The following GRIK4 variants were observed in gnomAD, a reference collection of about 807,000 sequenced individuals.
GRIK4 encodes the protein glutamate ionotropic receptor kainate type subunit 4.
Under a neutral mutation model 104.9 loss-of-function variants are expected in GRIK4, and 40 were observed. The ratio of observed to expected loss-of-function variants is 0.38; its 90% CI spans 0.30 to 0.50. GRIK4 has a LOEUF of 0.50. GRIK4 is among the 20% of genes least tolerant of loss of function. GRIK4 has a pLI of 0.93. For missense variants in GRIK4, 1,047 were observed against 1,308.1 expected, an observed-to-expected ratio of 0.80 and a Z score of 3.08; for synonymous variants, 485 against 524.9, an observed-to-expected ratio of 0.92 and a Z score of 1.04.
intron 9 of GRIK4, chr11:120,869,445 A>G (rs1954532545): frequency 6.6e-6 from 1 of 152,332 alleles, no homozygotes; most frequent in South Asian, 2.1e-4. Context: ...CCCTGTGCCC[A>G]GCATCCCTAG....
intron 1 of GRIK4, among the ~76,000 whole-genome samples, chr11:120,624,539 C>G (rs536150889): frequency 3.3e-5 from 5 of 152,142 alleles, no homozygotes; most frequent in African/African-American, 1.2e-4. Context: ...CCTTGCTGGC[C>G]ACCCCTTGTT....
chr11:120,676,672 C>T (rs1008246787), intron 3 of GRIK4, among the ~76,000 whole-genome samples: 8 of 152,188 alleles, frequency 5.3e-5, no homozygotes, highest in African/African-American at 1.9e-4. Context: ...AGAACAGCAC[C>T]AAGCCATTCA....
At chr11:120,521,758 T>C (rs1292432629) in intron 1 of GRIK4, among the ~76,000 whole-genome samples, 2 of 152,136 alleles carry the variant, frequency 1.3e-5, no homozygotes, top group African/African-American at 2.4e-5. Context: ...CTGAATGAAG[T>C]CCAGGGAGGT....
chr11:120,828,368 G>A (rs1406107398), intron 6 of GRIK4, among the ~76,000 whole-genome samples: 2 of 152,198 alleles, frequency 1.3e-5, no homozygotes, highest in South Asian at 2.1e-4. Flanking sequence ...GGATAATCCT[G>A]TAAGAGGTGG....
At chr11:120,650,240 C>T (rs546798687) in intron 1 of GRIK4, among the ~76,000 whole-genome samples, 2 of 152,184 alleles carry the variant, frequency 1.3e-5, no homozygotes, top group African/African-American at 4.8e-5. Flanking sequence ...TGGAGAAAAT[C>T]GGCCCTCAAT....
chr11:120,722,469 G>A lies in GRIK4; in HGVS notation c.82+62069G>A, dbSNP rs967019901. On this transcript the variant is annotated intron_variant, in intron 3 of 20. Transcript: ENST00000527524. ...ACTAAAAATACAAATTTAGCTGGAC[G>A]TGGTGGAGCATGCCTGTAATCCCAG... 9.2e-5 allele frequency among the ~76,000 whole-genome samples: 14 copies of A among 152,102 alleles called. No homozygotes were observed. The East Asian group carries it at 1.7e-3, about 19-fold the overall frequency.
chr11:120,656,567 A>C (rs1565276141), intron 2 of GRIK4, among the ~76,000 whole-genome samples: 1 of 152,208 alleles, frequency 6.6e-6, no homozygotes, highest in East Asian at 1.9e-4. Context: ...TGTCATGCTT[A>C]AATGTAGTCT....
At chr11:120,578,020 G>A (rs1226273558) in intron 1 of GRIK4, among the ~76,000 whole-genome samples, 1 of 152,180 alleles carries the variant, frequency 6.6e-6, no homozygotes, top group East Asian at 1.9e-4. Context: ...GACAGTTGAA[G>A]GAAGTGAGTT....
In GRIK4 at chr11:120,768,628, T is replaced by C. The variant is rs534107806; in HGVS notation, c.83-34065T>C. Among the ~76,000 whole-genome samples the C allele has an allele frequency of 6.6e-5, 10 of 152,334 alleles. No homozygotes were observed. In the East Asian group the frequency reaches 1.7e-3, roughly 26 times the overall value. On this transcript the variant is annotated intron_variant, in intron 3 of 20. Transcript: ENST00000527524. ...ATTCCTGCCTTGTACCAGATCTTAG[T>C]AGAAAAGCTTTCAGTTGTTCCCCAT...
At chr11:120,554,694 G>A (rs1393203981) in intron 1 of GRIK4, among the ~76,000 whole-genome samples, 3 of 152,110 alleles carry the variant, frequency 2.0e-5, no homozygotes, top group Non-Finnish European at 4.4e-5. Context: ...GAGCAGCTGG[G>A]ATTACAGACG....
At chr11:120,950,451 G>A (rs1030116941) in intron 14 of GRIK4, among the ~76,000 whole-genome samples, 2 of 152,162 alleles carry the variant, frequency 1.3e-5, no homozygotes, top group Non-Finnish European at 2.9e-5. Context: ...ATCAGGTATA[G>A]ATTTCTGACA....
intron 13 of GRIK4, among the ~76,000 whole-genome samples, chr11:120,916,765 T>C (rs944051517): frequency 2.0e-5 from 3 of 152,230 alleles, no homozygotes; most frequent in African/African-American, 7.2e-5. Context: ...GAAACAGAAA[T>C]GAACTTCGTG....
At chr11:120,617,666 C>T (rs990033886) in intron 1 of GRIK4, among the ~76,000 whole-genome samples, 4 of 152,126 alleles carry the variant, frequency 2.6e-5, no homozygotes, top group African/African-American at 9.7e-5. Context: ...TCAATGAGTT[C>T]TTGTGAGATC....
intron 3 of GRIK4, among the ~76,000 whole-genome samples, chr11:120,794,874 C>T (rs897988092): frequency 1.8e-4 from 27 of 152,020 alleles, no homozygotes; most frequent in African/African-American, 3.4e-4. Flanking sequence ...GAGTTGGCGG[C>T]GGGAGCGGCC....
At chr11:120,858,454 T>C (rs1433424615) in intron 8 of GRIK4, 1 of 152,154 alleles carries the variant, frequency 6.6e-6, no homozygotes, top group African/African-American at 2.4e-5. Context: ...TCATGGATTT[T>C]GGAGGAGAAA....
intron 3 of GRIK4, among the ~76,000 whole-genome samples, chr11:120,701,460 T>G (rs1422325884): frequency 6.6e-6 from 1 of 152,064 alleles, no homozygotes; most frequent in African/African-American, 2.4e-5. Flanking sequence ...AGGATCTCCT[T>G]TTTAAGGGTG....
chr11:120,619,950 G>A (rs1395079706), intron 1 of GRIK4: 9 of 402,394 alleles, frequency 2.2e-5, no homozygotes, highest in Admixed American at 8.8e-5. Context: ...TAGGAAGTTC[G>A]CAGCCACCAG....
chr11:120,841,799 A>G (rs1263220755), intron 8 of GRIK4, among the ~76,000 whole-genome samples: 1 of 152,250 alleles, frequency 6.6e-6, no homozygotes, highest in Non-Finnish European at 1.5e-5. Flanking sequence ...TTTAAAAATA[A>G]TAGCCATCTC....
At chr11:120,726,164 G>A (rs1951024430) in intron 3 of GRIK4, among the ~76,000 whole-genome samples, 4 of 152,204 alleles carry the variant, frequency 2.6e-5, no homozygotes, top group Non-Finnish European at 5.9e-5. Context: ...ATGACCAGAG[G>A]TCAGGAACAT....
Sources: allele counts gnomAD v4.1 joint callset (sites outside exome capture counted in the v4.1 genomes callset), GRCh38; gene constraint gnomAD v4.1.1; transcripts MANE v1.5; gene names NCBI Gene and HGNC (gene_info 2026-07-23, HGNC 2026-07-21).